The following RIC1 variants were observed in gnomAD, a reference collection of about 807,000 sequenced individuals.
RIC1 encodes RIC1 partner of RAB6A GEF complex, also known as guanine nucleotide exchange factor subunit RIC1.
In RIC1, 88 loss-of-function variants were observed where a neutral mutation model predicts 169.0. The observed-to-expected ratio is 0.52, with a 90% confidence interval of 0.44 to 0.62. The LOEUF (loss-of-function observed/expected upper bound fraction) is 0.62. Ranked by LOEUF, RIC1 falls within the 20% of genes least tolerant of loss-of-function variation. The pLI, the probability that RIC1 is intolerant of heterozygous loss-of-function variation, is 0.00. For missense variants in RIC1, 1,877 were observed against 1,725.5 expected, an observed-to-expected ratio of 1.09 and a Z score of -1.56; for synonymous variants, 790 against 601.5, an observed-to-expected ratio of 1.31 and a Z score of -4.59.
At chr9:5,646,696 TTTC>T (rs1818533902) in intron 1 of RIC1, among the ~76,000 whole-genome samples, 1 of 152,214 alleles carries the variant, frequency 6.6e-6, no homozygotes, top group African/African-American at 2.4e-5. Context: ...TAGTGATGCA[TTTC>T]TTGGAACTTA....
At chr9:5,733,611 C>G (rs556643678) in intron 7 of RIC1, among the ~76,000 whole-genome samples, 30 of 152,126 alleles carry the variant, frequency 2.0e-4, no homozygotes, top group African/African-American at 6.7e-4. Flanking sequence ...TTTCATTACA[C>G]TCTTAATAAA....
At chr9:5,728,046 G>C (rs1479100655) in intron 6 of RIC1, among the ~76,000 whole-genome samples, 13 of 152,254 alleles carry the variant, frequency 8.5e-5, no homozygotes, top group Middle Eastern at 3.4e-3. Context: ...CTCCGTGCTG[G>C]GCAAACCACT....
intron 10 of RIC1, 150 bp from the exon 11 acceptor site, chr9:5,745,781 C>G (rs556771122): frequency 1.6e-6 from 1 of 635,240 alleles, no homozygotes; most frequent in Non-Finnish European, 2.7e-6. Flanking sequence ...AGGTGTGATT[C>G]TTGTCTGTGT....
At chr9:5,755,178 G>C (rs963034086) in intron 15 of RIC1, among the ~76,000 whole-genome samples, 1 of 152,150 alleles carries the variant, frequency 6.6e-6, no homozygotes, top group African/African-American at 2.4e-5. Flanking sequence ...TCCCTATGGA[G>C]TTTGAAAATA....
At chr9:5,630,359 C>G (rs949903469) in intron 1 of RIC1, among the ~76,000 whole-genome samples, 1 of 152,184 alleles carries the variant, frequency 6.6e-6, no homozygotes, top group Non-Finnish European at 1.5e-5. Flanking sequence ...AAGGCAGTAC[C>G]AATCGATGTC....
At chr9:5,668,284 G>C (rs954412328) in intron 2 of RIC1, among the ~76,000 whole-genome samples, 1 of 152,196 alleles carries the variant, frequency 6.6e-6, no homozygotes, top group African/African-American at 2.4e-5. Flanking sequence ...TTTGGTTGGG[G>C]ACACAGCCAA....
At chr9:5,724,333 A>T (rs1422967297) in intron 6 of RIC1, among the ~76,000 whole-genome samples, 1 of 152,158 alleles carries the variant, frequency 6.6e-6, no homozygotes, top group Non-Finnish European at 1.5e-5. Context: ...TGTGAATGGG[A>T]GTTCACTCAT....
At chr9:5,659,147 A>G (rs1819290655) in intron 2 of RIC1, among the ~76,000 whole-genome samples, 1 of 152,174 alleles carries the variant, frequency 6.6e-6, no homozygotes, top group African/African-American at 2.4e-5. Flanking sequence ...ACAATATGTT[A>G]AAGAACTATT....
intron 4 of RIC1, among the ~76,000 whole-genome samples, chr9:5,718,609 C>G (rs1360469933): frequency 6.6e-6 from 1 of 152,136 alleles, no homozygotes; most frequent in East Asian, 1.9e-4. Flanking sequence ...TTTCCAACAG[C>G]TTAGATTTTG....
chr9:5,649,340 A>G (rs947010483), intron 1 of RIC1, among the ~76,000 whole-genome samples: 1 of 152,252 alleles, frequency 6.6e-6, no homozygotes, highest in Non-Finnish European at 1.5e-5. Flanking sequence ...AAAAATTCAA[A>G]TAGATCACTT....
chr9:5,654,073 C>T lies in RIC1; in HGVS notation c.145-2510C>T, dbSNP rs539312555. On this transcript the variant is annotated intron_variant, in intron 1 of 25. Coordinates refer to ENST00000414202, the MANE Select transcript of RIC1 (RefSeq NM_020829.4). ...GGAGTGCAGTGACATGATCTCAGCT[C>T]ACTGCAACCTCTGCCTCCCAGGCTC... 3.9e-5 allele frequency among the ~76,000 whole-genome samples: 6 copies of T among 152,286 alleles called. No individual in the cohort carries two copies. In the East Asian group the frequency reaches 9.6e-4, roughly 24 times the overall value.
intron 1 of RIC1, among the ~76,000 whole-genome samples, chr9:5,649,739 GTTT>G (rs36042296): frequency 6.9e-6 from 1 of 144,194 alleles, no homozygotes; most frequent in Non-Finnish European, 1.5e-5. Context: ...ATAATTTCTT[GTTT>G]TTTTTTTTTC....
chr9:5,694,822 G>A (rs1821794747), intron 3 of RIC1, among the ~76,000 whole-genome samples: 1 of 149,024 alleles, frequency 6.7e-6, no homozygotes, highest in Admixed American at 6.7e-5. Flanking sequence ...TCTATGAAAA[G>A]TCTGGTGAAA....
At chr9:5,753,115 A>AT in intron 12 of RIC1, 85 bp from the exon 13 acceptor site, 1 of 1,225,786 alleles carries the variant, frequency 8.2e-7, no homozygotes, top group Non-Finnish European at 1.2e-6. Context: ...GTTCGGCAAG[A>AT]TGAATCTCAT....
At chr9:5,633,120 ATAAAT>A (rs1817798273) in intron 1 of RIC1, among the ~76,000 whole-genome samples, 1 of 152,212 alleles carries the variant, frequency 6.6e-6, no homozygotes, top group African/African-American at 2.4e-5. Context: ...GGCTTATAAA[ATAAAT>A]TATATGTCGT....
chr9:5,711,419 T>C (rs1236897499), intron 3 of RIC1, among the ~76,000 whole-genome samples: 1 of 152,122 alleles, frequency 6.6e-6, no homozygotes, highest in African/African-American at 2.4e-5. Flanking sequence ...ACAATATTAT[T>C]ACCCAACAGA....
intron 2 of RIC1, among the ~76,000 whole-genome samples, chr9:5,672,449 C>A (rs1471897805): frequency 6.6e-6 from 1 of 152,110 alleles, no homozygotes; most frequent in African/African-American, 2.4e-5. Flanking sequence ...GAGAAAAATT[C>A]AACAGATGAA....
Position 5,648,427 on chromosome 9 carries a change from G to A in RIC1, c.145-8156G>A, listed in dbSNP as rs533294908. On this transcript the variant is annotated intron_variant, in intron 1 of 25. Transcript: ENST00000414202. Reference sequence around the variant, plus strand: ...ACTCAATTGAAATGATTATCTGTTGGTGGACACTTAGGTTGATTCCATATC... The same window carrying A: ...ACTCAATTGAAATGATTATCTGTTGATGGACACTTAGGTTGATTCCATATC... 2.6e-5 allele frequency among the ~76,000 whole-genome samples: 4 copies of A among 152,242 alleles called. No individual in the cohort carries two copies. In the East Asian group the frequency reaches 7.7e-4, roughly 29 times the overall value.
intron 6 of RIC1, among the ~76,000 whole-genome samples, chr9:5,725,942 G>GT (rs1308443430): frequency 1.3e-5 from 2 of 152,034 alleles, no homozygotes; most frequent in African/African-American, 4.8e-5. Flanking sequence ...ATAATTTCTG[G>GT]TTTTTTACAT....
Sources: gnomAD v4.1 joint callset for allele counts (sites outside exome capture counted in the v4.1 genomes callset) on GRCh38, gnomAD v4.1.1 for gene constraint, MANE v1.5 for transcripts, NCBI Gene and HGNC (gene_info 2026-07-23, HGNC 2026-07-21) for gene names.